FAM83A: variants seen among roughly 807,000 people sequenced by gnomAD.
The protein encoded by FAM83A is protein FAM83A.
A neutral mutation model predicts 24.4 loss-of-function variants in FAM83A; 21 were observed. The ratio of observed to expected loss-of-function variants is 0.86; its 90% CI spans 0.61 to 1.24. The LOEUF is 1.24. Among genes scored for constraint, FAM83A ranks in the 50% most tolerant of loss-of-function variants. The probability of loss-of-function intolerance (pLI) is 0.00; values close to 1 mark genes in which losing one functional copy is unlikely to be tolerated. For synonymous variants in FAM83A, 270 were observed against 252.4 expected (o/e 1.07, Z -0.66); for missense variants, 617 against 579.8 (o/e 1.06, Z -0.66).
intron 3 of FAM83A, among the ~76,000 whole-genome samples, chr8:123,204,570 G>A (rs1487672442): frequency 6.6e-6 from 1 of 151,842 alleles, no homozygotes; most frequent in Non-Finnish European, 1.5e-5. Flanking sequence ...AGACCATCCT[G>A]GCTAACATGG....
At chr8:123,196,676 G>A (rs187565773) in intron 3 of FAM83A, among the ~76,000 whole-genome samples, 8 of 152,104 alleles carry the variant, frequency 5.3e-5, no homozygotes, top group African/African-American at 1.7e-4. Flanking sequence ...ACTGTTTTTC[G>A]ACATTTTGGT....
chr8:123,206,307 C>T (rs1824550734), intron 3 of FAM83A, among the ~76,000 whole-genome samples: 1 of 152,164 alleles, frequency 6.6e-6, no homozygotes, highest in Non-Finnish European at 1.5e-5. Context: ...CCTCCATAAA[C>T]CACTCCTGTC....
intron 1 of FAM83A, among the ~76,000 whole-genome samples, chr8:123,185,163 C>G (rs954377975): frequency 1.3e-5 from 2 of 152,294 alleles, no homozygotes; most frequent in Admixed American, 1.3e-4. Flanking sequence ...CTTTGTGGCC[C>G]GGCGCTGGCT....
intron 3 of FAM83A, among the ~76,000 whole-genome samples, chr8:123,199,437 G>T: frequency 6.6e-6 from 1 of 152,078 alleles, no homozygotes; most frequent in East Asian, 1.9e-4. Flanking sequence ...CTGTGAATTA[G>T]AAAAGAGCTA....
At chr8:123,183,120 G>A (rs745432241) in exon 1 of FAM83A, 31 of 1,613,804 alleles carry the variant, frequency 1.9e-5, no homozygotes, top group Middle Eastern at 1.6e-4. Flanking sequence ...TGGGAGGGGC[G>A]GAAGCAGGCC....
At chr8:123,206,901 C>A (rs1344331087) in intron 3 of FAM83A, among the ~76,000 whole-genome samples, 2 of 151,892 alleles carry the variant, frequency 1.3e-5, no homozygotes, top group Non-Finnish European at 2.9e-5. Context: ...CCGGCGAAGC[C>A]TCCTATCTGT....
At chr8:123,200,500 G>A (rs1824312786) in intron 3 of FAM83A, among the ~76,000 whole-genome samples, 1 of 152,198 alleles carries the variant, frequency 6.6e-6, no homozygotes, top group African/African-American at 2.4e-5. Context: ...AAGGATGTCA[G>A]GGACTGGGCC....
intron 3 of FAM83A, among the ~76,000 whole-genome samples, chr8:123,200,709 T>G (rs1824319682): frequency 6.6e-6 from 1 of 152,110 alleles, no homozygotes; most frequent in Non-Finnish European, 1.5e-5. Context: ...ATCCCAGCAC[T>G]TTGGGAGGCC....
At chr8:123,188,421 C>T (rs1419548796) in intron 1 of FAM83A, among the ~76,000 whole-genome samples, 2 of 151,898 alleles carry the variant, frequency 1.3e-5, no homozygotes, top group South Asian at 2.1e-4. Flanking sequence ...TAGGGTTGGA[C>T]GTATCTTTTG....
upstream of FAM83A, among the ~76,000 whole-genome samples, chr8:123,181,248 C>T (rs59601467): frequency 0.11 from 16,034 of 152,184 alleles, 945 homozygotes; most frequent in African/African-American, 0.16. Flanking sequence ...CACCCAGCCG[C>T]GCCACACTTT....
chr8:123,208,353 G>T (rs1322758558), exon 4 of FAM83A: 1 of 985,566 alleles, frequency 1.0e-6, no homozygotes, highest in Non-Finnish European at 1.2e-6. Context: ...TTGGGGTGTT[G>T]GGTTGGACAA....
At chr8:123,205,060 C>T (rs1248195643) in intron 3 of FAM83A, among the ~76,000 whole-genome samples, 1 of 151,778 alleles carries the variant, frequency 6.6e-6, no homozygotes, top group Non-Finnish European at 1.5e-5. Context: ...TGCGATGAGC[C>T]GAGATCACGC....
intron 2 of FAM83A, chr8:123,193,052 A>T (rs1004480979): frequency 1.3e-5 from 2 of 152,298 alleles, no homozygotes; most frequent in African/African-American, 4.8e-5. Context: ...GAATCCAGAC[A>T]GTATTCCACC....
At chr8:123,200,996 CAAA>C (rs1207741603) in intron 3 of FAM83A, among the ~76,000 whole-genome samples, 1 of 135,906 alleles carries the variant, frequency 7.4e-6, no homozygotes, top group East Asian at 2.1e-4. Context: ...CACATATATA[CAAA>C]AAAAAAATTA....
At chr8:123,206,436 C>A (rs1824554224) in intron 3 of FAM83A, among the ~76,000 whole-genome samples, 1 of 152,196 alleles carries the variant, frequency 6.6e-6, no homozygotes, top group South Asian at 2.1e-4. Flanking sequence ...AAACACAGTC[C>A]GGCTTCCCAA....
At chr8:123,208,770 T>C in exon 4 of FAM83A, 1 of 980,916 alleles carries the variant, frequency 1.0e-6, no homozygotes, top group Non-Finnish European at 1.2e-6. Flanking sequence ...CCAAGGTGGT[T>C]GGATTACCTG....
intron 1 of FAM83A, among the ~76,000 whole-genome samples, chr8:123,188,318 G>T (rs1211336885): frequency 1.3e-5 from 2 of 152,004 alleles, no homozygotes; most frequent in Admixed American, 1.3e-4. Flanking sequence ...GAGCCCACCA[G>T]ATAACCCAGG....
chr8:123,194,447 G>A (rs575916442), intron 3 of FAM83A, among the ~76,000 whole-genome samples: 3 of 151,416 alleles, frequency 2.0e-5, no homozygotes, highest in South Asian at 2.1e-4. Context: ...ATTATAAAGT[G>A]ATGCAATTTG....
At chr8:123,183,222 C>T (rs761653288) in exon 1 of FAM83A, 3 of 1,613,556 alleles carry the variant, frequency 1.9e-6, no homozygotes, top group South Asian at 2.2e-5. Context: ...ACAGCTGGGC[C>T]TCAGCTGAGA....
Sources: allele counts gnomAD v4.1 joint callset (sites outside exome capture counted in the v4.1 genomes callset), GRCh38; gene constraint gnomAD v4.1.1; transcripts MANE v1.5; gene names NCBI Gene and HGNC (gene_info 2026-07-23, HGNC 2026-07-21).